The following SIPA1L2 variants were observed in gnomAD, a reference collection of about 807,000 sequenced individuals.
SIPA1L2 encodes signal-induced proliferation-associated 1-like protein 2.
Under a neutral mutation model 163.9 loss-of-function variants are expected in SIPA1L2, and 56 were observed. The observed-to-expected ratio is 0.34, with a 90% CI of 0.28 to 0.43. SIPA1L2 has a LOEUF of 0.43. SIPA1L2 is among the 20% of genes least tolerant of loss of function. The pLI, the probability that SIPA1L2 is intolerant of heterozygous loss-of-function variation, is 1.00. For missense variants in SIPA1L2, 1,974 were observed against 2,193.5 expected, an observed-to-expected ratio of 0.90 and a Z score of 2.00; for synonymous variants, 877 against 865.7, an observed-to-expected ratio of 1.01 and a Z score of -0.23.
chr1:232,616,089 T>C (rs553668982), intron 1 of SIPA1L2, among the ~76,000 whole-genome samples: 56 of 152,264 alleles, frequency 3.7e-4, no homozygotes, highest in African/African-American at 8.7e-4. Flanking sequence ...ACAGGCCCCA[T>C]AGCCATGGAG....
chr1:232,595,007 T>A (rs150464374), intron 1 of SIPA1L2, among the ~76,000 whole-genome samples: 2 of 152,162 alleles, frequency 1.3e-5, no homozygotes, highest in East Asian at 3.9e-4. Flanking sequence ...GATTCCAATA[T>A]GGAGCCAAGT....
intron 15 of SIPA1L2, among the ~76,000 whole-genome samples, chr1:232,438,331 T>A (rs1263764771): frequency 6.6e-6 from 1 of 152,168 alleles, no homozygotes; most frequent in Non-Finnish European, 1.5e-5. Flanking sequence ...AGGGAAGGCC[T>A]TGGAAACAAG....
chr1:232,405,833 T>C (rs1660601932), intron 19 of SIPA1L2, among the ~76,000 whole-genome samples: 1 of 152,208 alleles, frequency 6.6e-6, no homozygotes, highest in African/African-American at 2.4e-5. Context: ...CAAGTCTAAA[T>C]ACATGGATGA....
chr1:232,559,798 G>C (rs184793859), intron 2 of SIPA1L2, among the ~76,000 whole-genome samples: 48 of 152,150 alleles, frequency 3.2e-4, no homozygotes, highest in African/African-American at 1.1e-3. Flanking sequence ...CAAAATATAA[G>C]TAAATGAAGA....
At chr1:232,425,288 T>A (rs1006384412) in intron 18 of SIPA1L2, among the ~76,000 whole-genome samples, 2 of 151,850 alleles carry the variant, frequency 1.3e-5, no homozygotes, top group African/African-American at 4.8e-5. Context: ...GCTAAAGACA[T>A]TTTTTTCCTT....
At chr1:232,497,299 C>A (rs34461288) in intron 3 of SIPA1L2, among the ~76,000 whole-genome samples, 25,771 of 152,122 alleles carry the variant, frequency 0.17, 2,394 homozygotes, top group Admixed American at 0.29. Context: ...TTAGAAAAGT[C>A]AATTTTACTG....
chr1:232,507,062 C>T lies in SIPA1L2; in HGVS notation c.1483+6795G>A, dbSNP rs115487672. ...GTTATGTTATTAACTAATGTCCATA[C>T]TTTATTCAGATTTCCTTAGTTTTTA... On this transcript the variant is annotated intron_variant, in intron 3 of 22. Coordinates refer to ENST00000674635, the MANE Select transcript of SIPA1L2 (RefSeq NM_020808.5). 5.7e-3 allele frequency among the ~76,000 whole-genome samples: 871 copies of T among 152,234 alleles called. 8 individuals carry two copies. Among genetic ancestry groups the T allele is most frequent in the Middle Eastern group, 0.017 (5 of 294 alleles).
rs572313266 is a variant in SIPA1L2, at chr1:232,483,576, G to T, written c.1981+216C>A. Among the ~76,000 whole-genome samples, 3 of 152,258 alleles carry T rather than the reference G, an allele frequency of 2.0e-5. No homozygotes were observed. The South Asian group carries it at 6.2e-4, about 32-fold the overall frequency. ...CTCTGCTGGTGTTACAAAGGAAAAA[G>T]AATTGACCCTTTGAGCTTACAAGGT... On this transcript the variant is annotated intron_variant, in intron 6 of 22. Transcript: ENST00000674635.
chr1:232,605,479 G>A (rs1661862328), intron 1 of SIPA1L2, among the ~76,000 whole-genome samples: 1 of 152,212 alleles, frequency 6.6e-6, no homozygotes, highest in Non-Finnish European at 1.5e-5. Flanking sequence ...TGGATCACCT[G>A]CGGTCAGGAA....
chr1:232,492,198 G>A lies in SIPA1L2; in HGVS notation c.1618-1136C>T, dbSNP rs143524154. 4.6e-3 allele frequency among the ~76,000 whole-genome samples: 706 copies of A among 152,154 alleles called. 7 individuals carry two copies. Among genetic ancestry groups the A allele is most frequent in the African/African-American group, 0.016 (678 of 41,526 alleles). ...AGGGGTACACATGTTCATGCAGCTG[G>A]AAACTAGAAAAGGGCTCTGTGTTTT... On this transcript the variant is annotated intron_variant, in intron 4 of 22. Coordinates refer to ENST00000674635, the MANE Select transcript of SIPA1L2 (RefSeq NM_020808.5).
At chr1:232,424,611 G>A (rs1049076948) in intron 18 of SIPA1L2, among the ~76,000 whole-genome samples, 5 of 152,118 alleles carry the variant, frequency 3.3e-5, no homozygotes, top group African/African-American at 9.7e-5. Context: ...TCAAGAAGGC[G>A]TTTAAAGGTT....
chr1:232,594,224 T>C (rs1038196716), intron 1 of SIPA1L2, among the ~76,000 whole-genome samples: 1 of 151,560 alleles, frequency 6.6e-6, no homozygotes, highest in African/African-American at 2.4e-5. Flanking sequence ...ACATAAGAAG[T>C]GAAGGTAAAA....
intron 2 of SIPA1L2, among the ~76,000 whole-genome samples, chr1:232,563,955 T>TTTTTTTGTGTGTGTGTGTGTG (rs1558270699): frequency 8.6e-6 from 1 of 116,700 alleles, no homozygotes; most frequent in African/African-American, 4.0e-5. Flanking sequence ...TTTTTTTTTT[T>TTTTTTTGTGTGTGTGTGTGTG]CGTGTGTGTG....
At chr1:232,522,251 C>T (rs1359465018) in intron 2 of SIPA1L2, among the ~76,000 whole-genome samples, 2 of 152,184 alleles carry the variant, frequency 1.3e-5, no homozygotes, top group East Asian at 1.9e-4. Context: ...ACAAGCCACT[C>T]ATGATTTGGT....
chr1:232,400,397 T>C (rs1166361249), intron 22 of SIPA1L2, among the ~76,000 whole-genome samples: 1 of 152,172 alleles, frequency 6.6e-6, no homozygotes, highest in African/African-American at 2.4e-5. Context: ...GAAGACCTTG[T>C]GCACGCTCAG....
rs1660500397 is a variant in SIPA1L2, at chr1:232,583,646, G to A, written c.-318-9424C>T. Among the ~76,000 whole-genome samples the A allele has an allele frequency of 3.3e-5, 5 of 152,192 alleles. No homozygotes were observed. The South Asian group carries it at 1.0e-3, about 32-fold the overall frequency. On this transcript the variant is annotated intron_variant, in intron 1 of 22. Coordinates refer to ENST00000674635, the MANE Select transcript of SIPA1L2 (RefSeq NM_020808.5). ...TCATTAAATCAATAAAGAGAGGAGAGAATAAACTGTATGTGTTAAATTCAA... is the reference window on the plus strand; with the variant it reads ...TCATTAAATCAATAAAGAGAGGAGAAAATAAACTGTATGTGTTAAATTCAA...
intron 1 of SIPA1L2, among the ~76,000 whole-genome samples, chr1:232,586,500 G>A (rs1660661973): frequency 6.6e-6 from 1 of 152,080 alleles, no homozygotes; most frequent in African/African-American, 2.4e-5. Context: ...GAGATTCACA[G>A]GAAGAGCTCG....
At chr1:232,573,826 C>A (rs1473363700) in intron 2 of SIPA1L2, among the ~76,000 whole-genome samples, 1 of 152,144 alleles carries the variant, frequency 6.6e-6, no homozygotes, top group Non-Finnish European at 1.5e-5. Context: ...AACATGCTCA[C>A]GTGTTGTACC....
At chr1:232,530,578 T>TA (rs145507955) in intron 2 of SIPA1L2, among the ~76,000 whole-genome samples, 2,192 of 146,706 alleles carry the variant, frequency 0.015, 50 homozygotes, top group African/African-American at 0.049. Flanking sequence ...TCCTTTTCGC[T>TA]AAAAAAAAAA....
Sources: allele counts gnomAD v4.1 joint callset (sites outside exome capture counted in the v4.1 genomes callset), GRCh38; gene constraint gnomAD v4.1.1; transcripts MANE v1.5; gene names NCBI Gene and HGNC (gene_info 2026-07-23, HGNC 2026-07-21).